HMCN1: variants seen among roughly 807,000 people sequenced by gnomAD.
The protein encoded by HMCN1 is hemicentin-1.
In HMCN1, 321 loss-of-function variants were observed where a neutral mutation model predicts 625.9. That is an observed-to-expected ratio of 0.51 (90% CI 0.47 to 0.56). The LOEUF is 0.56. Among genes scored for constraint, HMCN1 ranks in the 20% least tolerant of loss-of-function variants. HMCN1 has a pLI of 0.00. For synonymous variants in HMCN1, 2,425 were observed against 2,417.6 expected (o/e 1.00, Z -0.09); for missense variants, 6,588 against 6,887.3 (o/e 0.96, Z 1.54).
intron 11 of HMCN1, among the ~76,000 whole-genome samples, chr1:185,950,814 G>A (rs1668615934): frequency 1.3e-5 from 2 of 151,778 alleles, no homozygotes; most frequent in African/African-American, 4.9e-5. Flanking sequence ...TGTAGAGGCA[G>A]GTATTGAGGA....
intron 1 of HMCN1, among the ~76,000 whole-genome samples, chr1:185,794,891 A>G (rs547885765): frequency 1.3e-5 from 2 of 152,308 alleles, no homozygotes; most frequent in African/African-American, 4.8e-5. Flanking sequence ...GTGCCACTAT[A>G]TTTATATATT....
At chr1:186,154,277 C>T (rs767207500) in intron 97 of HMCN1, among the ~76,000 whole-genome samples, 3 of 152,190 alleles carry the variant, frequency 2.0e-5, no homozygotes, top group Admixed American at 6.5e-5. Context: ...CGTGGTGGCT[C>T]ATGCCTGTAA....
chr1:185,904,267 G>C (rs1405270583), intron 4 of HMCN1, among the ~76,000 whole-genome samples: 1 of 151,814 alleles, frequency 6.6e-6, no homozygotes, highest in East Asian at 1.9e-4. Context: ...GGCTCTTCTG[G>C]TTATCCAGAG....
intron 106 of HMCN1, among the ~76,000 whole-genome samples, chr1:186,188,886 T>C (rs1653527626): frequency 6.6e-6 from 1 of 152,220 alleles, no homozygotes; most frequent in Admixed American, 6.5e-5. Context: ...AATGGTTCTC[T>C]GTGCATTTTT....
chr1:186,181,753 T>A (rs16825037), intron 104 of HMCN1, among the ~76,000 whole-genome samples: 1,775 of 152,196 alleles, frequency 0.012, 26 homozygotes, highest in African/African-American at 0.041. Flanking sequence ...AAACAAATAG[T>A]CCTTTTTGCA....
At chr1:186,133,735 C>T (rs1448988075) in intron 86 of HMCN1, among the ~76,000 whole-genome samples, 1 of 152,024 alleles carries the variant, frequency 6.6e-6, no homozygotes, top group East Asian at 1.9e-4. Context: ...CAATGTTTCA[C>T]TAAAGAACAT....
At chr1:186,010,158 T>C (rs1653901269) in intron 30 of HMCN1, among the ~76,000 whole-genome samples, 1 of 151,798 alleles carries the variant, frequency 6.6e-6, no homozygotes, top group Non-Finnish European at 1.5e-5. Context: ...TGCATAAAAG[T>C]CTTGAGGGGT....
At chr1:185,795,198 A>G (rs1421346236) in intron 1 of HMCN1, among the ~76,000 whole-genome samples, 1 of 152,186 alleles carries the variant, frequency 6.6e-6, no homozygotes, top group Non-Finnish European at 1.5e-5. Flanking sequence ...TTTCTTTCCC[A>G]TAGTAATTGG....
intron 36 of HMCN1, among the ~76,000 whole-genome samples, chr1:186,024,149 T>TAA (rs1315162634): frequency 2.0e-5 from 3 of 152,188 alleles, no homozygotes; most frequent in Non-Finnish European, 4.4e-5. Context: ...ATAACATACG[T>TAA]AAACCATGTG....
intron 5 of HMCN1, 81 bp from the exon 6 acceptor site, chr1:185,911,593 A>T: frequency 2.0e-6 from 2 of 1,003,480 alleles, no homozygotes; most frequent in Non-Finnish European, 3.2e-6. Context: ...TCATGCTCTT[A>T]GTTTTATGTA....
At chr1:185,869,022 C>G (rs1433962921) in intron 4 of HMCN1, among the ~76,000 whole-genome samples, 1 of 152,104 alleles carries the variant, frequency 6.6e-6, no homozygotes, top group Non-Finnish European at 1.5e-5. Context: ...ATTTATCTAT[C>G]CATCATAGCA....
intron 91 of HMCN1, 122 bp downstream of exon 91, chr1:186,144,825 T>G: frequency 8.7e-7 from 1 of 1,149,824 alleles, no homozygotes; most frequent in Non-Finnish European, 1.3e-6. Flanking sequence ...GATGTCAGAA[T>G]GTTGTAAGGT....
intron 1 of HMCN1, among the ~76,000 whole-genome samples, chr1:185,764,278 G>A (rs1361553839): frequency 6.6e-6 from 1 of 152,150 alleles, no homozygotes; most frequent in Non-Finnish European, 1.5e-5. Flanking sequence ...GTTTCAACAT[G>A]ACAAATAGGT....
intron 1 of HMCN1, among the ~76,000 whole-genome samples, chr1:185,839,542 A>G (rs1007831700): frequency 6.6e-6 from 1 of 152,194 alleles, no homozygotes; most frequent in African/African-American, 2.4e-5. Flanking sequence ...TTAGGATTAC[A>G]TGTAAAGCTG....
chr1:186,183,982 TAACCACTCAAAACGCAC>T (rs1460393175), intron 105 of HMCN1, among the ~76,000 whole-genome samples: 1 of 152,200 alleles, frequency 6.6e-6, no homozygotes, highest in Non-Finnish European at 1.5e-5. Flanking sequence ...GCATTTGGAA[TAACCACTCAAAACGCAC>T]AACCCCTTAG....
intron 97 of HMCN1, among the ~76,000 whole-genome samples, chr1:186,157,951 T>A (rs1440258910): frequency 6.6e-6 from 1 of 152,008 alleles, no homozygotes; most frequent in African/African-American, 2.4e-5. Context: ...TTTGGGTATA[T>A]ACCCAGTAAT....
In HMCN1 at chr1:186,189,532, C is replaced by T. The variant is rs1352114812; in HGVS notation, c.16562C>T (p.Pro5521Leu). The change falls in exon 107 of 107, where the codon CCA becomes CTA. Residue 5521 changes from proline (P) to leucine (L), a missense_variant. This residue lies in a region of HMCN1 where 1,954 missense variants were observed against 2,013.1 expected (regional missense o/e 0.97). Coordinates refer to ENST00000271588, the MANE Select transcript of HMCN1 (RefSeq NM_031935.3). The part of the protein sequence containing the change: ...PVSGFCLKNC[P>L]PNDLECALSP... ...CTTAGGTTCTGCCTCAAGAACTGTC[C>T]ACCCAATGATTTGGAATGTGCCTTG... 2 of 1,613,430 alleles carry T rather than the reference C, an allele frequency of 1.2e-6. No individual in the cohort carries two copies. Among genetic ancestry groups the T allele is most frequent in the Admixed American group, 1.7e-5 (1 of 60,002 alleles).
intron 2 of HMCN1, among the ~76,000 whole-genome samples, chr1:185,855,446 C>A (rs1481775348): frequency 2.0e-5 from 3 of 152,092 alleles, no homozygotes; most frequent in Non-Finnish European, 2.9e-5. Context: ...TCTTGGTTGT[C>A]TCCATCCTAT....
In HMCN1 at chr1:185,809,766, C is replaced by G. The variant is rs77872666; in HGVS notation, c.269-36260C>G. On this transcript the variant is annotated intron_variant, in intron 1 of 106. Transcript: ENST00000271588. ...TTCAAAAGTATTTAGGTCTGTTCTA[C>G]ACTTGCCAGATTTAGTGATTTATTT... is the stretch of plus-strand genomic sequence containing the variant. Among the ~76,000 whole-genome samples the G allele has an allele frequency of 5.5e-3, 838 of 152,140 alleles. 3 individuals are homozygous for G. The highest frequency in any genetic ancestry group is 7.0e-3 in the Non-Finnish European group (479 of 67,946).
Sources: allele counts gnomAD v4.1 joint callset (sites outside exome capture counted in the v4.1 genomes callset), GRCh38; gene constraint gnomAD v4.1.1; regional missense constraint gnomAD v4.1.1; transcripts MANE v1.5; gene names NCBI Gene and HGNC (gene_info 2026-07-23, HGNC 2026-07-21).